Variants in PCM1 observed in about 807,000 individuals in gnomAD.
The protein encoded by PCM1 is pericentriolar material 1 protein.
PCM1 carries 157 observed loss-of-function variants against 241.9 expected under a neutral mutation model. That is an observed-to-expected ratio of 0.65 (90% confidence interval 0.57 to 0.74). The LOEUF (loss-of-function observed/expected upper bound fraction) is 0.74, where lower values mean the gene tolerates loss of function less well. Among genes scored for constraint, PCM1 ranks in the 30% least tolerant of loss-of-function variants. The probability of loss-of-function intolerance (pLI) is 0.00; values close to 1 mark genes in which losing one functional copy is unlikely to be tolerated. For missense variants in PCM1, 3,478 were observed against 2,360.1 expected, an observed-to-expected ratio of 1.47 and a Z score of -9.81; for synonymous variants, 1,085 against 784.9, an observed-to-expected ratio of 1.38 and a Z score of -6.39.
intron 3 of PCM1, among the ~76,000 whole-genome samples, chr8:17,936,281 A>G (rs1404731363): frequency 2.6e-5 from 4 of 152,178 alleles, no homozygotes; most frequent in Admixed American, 6.5e-5. Context: ...GTAGTGTAAC[A>G]GGTTGGCAGG....
chr8:17,978,812 A>T (rs560682929), intron 23 of PCM1, among the ~76,000 whole-genome samples: 2 of 152,354 alleles, frequency 1.3e-5, no homozygotes, highest in African/African-American at 4.8e-5. Flanking sequence ...AAATATTAGC[A>T]AATTGAATCT....
intron 34 of PCM1, 192 bp from the exon 35 acceptor site, chr8:18,013,772 A>C: frequency 1.9e-6 from 1 of 527,088 alleles, no homozygotes; most frequent in South Asian, 3.1e-5. Flanking sequence ...TTTTAAGGCA[A>C]CAAGGAAACC....
intron 25 of PCM1, 29 bp downstream of exon 25, chr8:17,985,648 A>G (rs755401098): frequency 6.5e-7 from 1 of 1,537,608 alleles, no homozygotes; most frequent in South Asian, 1.2e-5. Context: ...AATTTTTCCT[A>G]CCCTATTATC....
At chr8:17,930,836 C>T (rs545157062) in intron 2 of PCM1, among the ~76,000 whole-genome samples, 5 of 151,532 alleles carry the variant, frequency 3.3e-5, no homozygotes, top group East Asian at 2.0e-4. Flanking sequence ...GCCCAGATGG[C>T]GCCACTGCAC....
intron 25 of PCM1, 148 bp from the exon 26 acceptor site, chr8:17,985,811 G>A (rs1321809923): frequency 2.8e-6 from 2 of 709,974 alleles, no homozygotes; most frequent in Non-Finnish European, 4.5e-6. Context: ...TACTTTTTCA[G>A]TGTTTTGTCT....
chr8:17,978,631 A>G (rs909257391), intron 23 of PCM1, among the ~76,000 whole-genome samples: 1 of 152,120 alleles, frequency 6.6e-6, no homozygotes, highest in African/African-American at 2.4e-5. Flanking sequence ...GACCCTCCAC[A>G]TGTCAGAATG....
intron 2 of PCM1, among the ~76,000 whole-genome samples, chr8:17,930,038 A>G (rs539847827): frequency 7.2e-5 from 11 of 152,080 alleles, no homozygotes; most frequent in Admixed American, 5.9e-4. Context: ...TTGATCCTGC[A>G]CAGCAGTTTT....
chr8:17,980,057 CAAAAA>C (rs879550835), intron 23 of PCM1, among the ~76,000 whole-genome samples: 3 of 112,162 alleles, frequency 2.7e-5, no homozygotes, highest in African/African-American at 6.6e-5. Flanking sequence ...CCATGTGGAA[CAAAAA>C]AAAAAAAGGA....
chr8:18,017,223 G>C (rs2093311691), intron 36 of PCM1, among the ~76,000 whole-genome samples: 1 of 152,162 alleles, frequency 6.6e-6, no homozygotes, highest in Non-Finnish European at 1.5e-5. Context: ...ATCTATTTCT[G>C]ATTACACGGC....
chr8:17,975,091 G>T (rs2078268182), intron 23 of PCM1, among the ~76,000 whole-genome samples: 1 of 152,116 alleles, frequency 6.6e-6, no homozygotes, highest in Non-Finnish European at 1.5e-5. Context: ...TTTTTCTTCA[G>T]TATGCATTTT....
At chr8:17,945,679 T>C (rs2063525775) in intron 6 of PCM1, among the ~76,000 whole-genome samples, 1 of 152,158 alleles carries the variant, frequency 6.6e-6, no homozygotes, top group African/African-American at 2.4e-5. Context: ...AAGAAATTTT[T>C]ATATAGTATT....
rs2094410268 is a variant in PCM1, at chr8:18,029,521, G to C, written c.*1859G>C. The C allele has an allele frequency of 1.9e-5, 4 of 212,916 alleles. No homozygotes were observed. The highest frequency in any genetic ancestry group is 3.7e-4 in the South Asian group (2 of 5,396). 13.2% of individuals were successfully genotyped at this position (212,916 alleles called of 1,614,324 possible). ...CTCTGTCTGCATGCATATTAAAGTGGAAAAATTGTATTTATATCTTAGTTA... is the reference window on the plus strand; with the variant it reads ...CTCTGTCTGCATGCATATTAAAGTGCAAAAATTGTATTTATATCTTAGTTA... On this transcript the variant is annotated 3_prime_UTR_variant, in exon 39 of 39. Transcript: ENST00000325083.
At chr8:18,001,091 C>T (rs1259811387) in intron 29 of PCM1, among the ~76,000 whole-genome samples, 1 of 152,144 alleles carries the variant, frequency 6.6e-6, no homozygotes, top group Non-Finnish European at 1.5e-5. Flanking sequence ...GGCCTTGCAA[C>T]TGTGATGTGG....
chr8:17,953,504 A>T (rs2066847522), intron 9 of PCM1, among the ~76,000 whole-genome samples: 1 of 152,188 alleles, frequency 6.6e-6, no homozygotes, highest in Admixed American at 6.5e-5. Context: ...GTTTCTTAAC[A>T]TTCAAAATTT....
At chr8:17,967,455 T>C (rs2075327043) in intron 21 of PCM1, among the ~76,000 whole-genome samples, 1 of 152,094 alleles carries the variant, frequency 6.6e-6, no homozygotes, top group South Asian at 2.1e-4. Flanking sequence ...ATTACAGGCA[T>C]GTGCCACCGT....
chr8:17,957,432 C>A lies in PCM1; in HGVS notation c.1804+11C>A. ...TGCCTCCTTCTTTAGGTATGACTGA[C>A]TGTATTTACATATAATTTTGCTGTG... On this transcript the variant is annotated intron_variant, in intron 12 of 38. Coordinates refer to ENST00000325083, the MANE Select transcript of PCM1 (RefSeq NM_006197.4). 6.2e-7 allele frequency: 1 copy of A among 1,610,596 alleles called. No homozygotes were observed. The highest frequency in any genetic ancestry group is 1.3e-5 in the African/African-American group (1 of 75,006).
At chr8:17,971,117 A>C in intron 22 of PCM1, among the ~76,000 whole-genome samples, 1 of 152,274 alleles carries the variant, frequency 6.6e-6, no homozygotes, top group East Asian at 1.9e-4. Flanking sequence ...CAGAAATTTT[A>C]TTTTCATATA....
At position 17,980,637 on chromosome 8, in the gene PCM1, T is replaced by G. The variant is rs776538298; in HGVS notation, c.3990T>G (p.Ser1330Arg). 1.1e-5 allele frequency: 18 copies of G among 1,613,128 alleles called. No individual in the cohort carries two copies. Among genetic ancestry groups the G allele is most frequent in the Non-Finnish European group, 1.5e-5 (18 of 1,179,480 alleles). ...CTAGCACATGTGAACCTTGCAAAAG[T>G]AGGAACAGACATTCAGCCCAGACTG... is the stretch of plus-strand genomic sequence containing the variant. ...SMSSTCEPCK[S>R]RNRHSAQTEE... The change falls in exon 24 of 39, where the codon AGT becomes AGG. Residue 1330 changes from serine to arginine, a missense_variant. Transcript: ENST00000325083.
chr8:18,014,636 T>C lies in PCM1; in HGVS notation c.5637T>C (p.Asp1879=). ...VKPCYLNILE[D]EQPLNSAAHK... is the part of the protein sequence containing the mutation. ...CCTGTTACCTCAATATCTTGGAAGA[T>C]GAGCAACCTTTAAATAGTGCTGCCC... The change falls in exon 36 of 39, where the codon GAT becomes GAC. Residue 1879 remains aspartate (D), a synonymous_variant. Transcript: ENST00000325083. 6 of 1,613,432 alleles carry C rather than the reference T, an allele frequency of 3.7e-6. No homozygotes were observed. Among genetic ancestry groups the C allele is most frequent in the Non-Finnish European group, 5.1e-6 (6 of 1,179,512 alleles).
Sources: gnomAD v4.1 joint callset for allele counts (sites outside exome capture counted in the v4.1 genomes callset) on GRCh38, gnomAD v4.1.1 for gene constraint, MANE v1.5 for transcripts, NCBI Gene and HGNC (gene_info 2026-07-23, HGNC 2026-07-21) for gene names.